Variants in PCDH11X observed in about 807,000 individuals in gnomAD.
The protein encoded by PCDH11X is protocadherin-11 X-linked.
A neutral mutation model predicts 53.3 loss-of-function variants in PCDH11X; 18 were observed. The ratio of observed to expected loss-of-function variants is 0.34; its 90% CI spans 0.23 to 0.50. The LOEUF (loss-of-function observed/expected upper bound fraction) is 0.50. Among genes scored for constraint, PCDH11X ranks in the 20% least tolerant of loss-of-function variants. The probability of loss-of-function intolerance (pLI) is 0.98; values close to 1 mark genes in which losing one functional copy is unlikely to be tolerated. For missense variants in PCDH11X, 570 were observed against 1,032.4 expected, an observed-to-expected ratio of 0.55 and a Z score of 6.14; for synonymous variants, 279 against 393.3, an observed-to-expected ratio of 0.71 and a Z score of 3.44.
intron 6 of PCDH11X, among the ~76,000 whole-genome samples, chrX:92,042,791 C>A (rs1027013027): frequency 2.8e-5 from 3 of 106,838 alleles, no homozygotes; most frequent in African/African-American, 1.0e-4. Flanking sequence ...CTCCCACCCC[C>A]ACACCCAGCT....
At chrX:92,558,947 G>A (rs1475153735) in intron 10 of PCDH11X, among the ~76,000 whole-genome samples, 2 of 108,993 alleles carry the variant, frequency 1.8e-5, no homozygotes, top group African/African-American at 6.6e-5. Flanking sequence ...GAGAAATTAT[G>A]AGTCATGTAA....
At position 91,878,314 on chromosome X, in the gene PCDH11X, G is replaced by A; in HGVS notation, c.2074G>A (p.Gly692Ser). 8.3e-7 allele frequency: 1 copy of A among 1,210,661 alleles called. No homozygotes were observed. Among genetic ancestry groups the A allele is most frequent in the Middle Eastern group, 2.3e-4 (1 of 4,349 alleles). The change falls in exon 6 of 11, where the codon GGC becomes AGC. Residue 692 changes from glycine (G) to serine (S), a missense_variant. Coordinates refer to ENST00000682573, the MANE Select transcript of PCDH11X (RefSeq NM_032968.5). Reference protein sequence around the residue: ...YELVLPSTNPGTVVFQVIAVD... With the variant: ...YELVLPSTNPSTVVFQVIAVD... ...ATTGGTTCTACCGTCCACTAATCCA[G>A]GCACAGTGGTCTTTCAGGTAATTGC...
Position 92,134,730 on chromosome X carries a change from C to T in PCDH11X, c.3034-66645C>T, listed in dbSNP as rs758974563. Among the ~76,000 whole-genome samples, 206 of 111,227 alleles carry T rather than the reference C, an allele frequency of 1.9e-3. 1 individual carries two copies. The highest frequency in any genetic ancestry group is 3.4e-3 in the Non-Finnish European group (178 of 53,067). On this transcript the variant is annotated intron_variant, in intron 6 of 10. Coordinates refer to ENST00000682573, the MANE Select transcript of PCDH11X (RefSeq NM_032968.5). The stretch of plus-strand genomic sequence containing the variant: ...TGGGTTATTCATGTGTCCTCTTTTT[C>T]GACCATATAGGGTCACTTCCTGATG...
intron 7 of PCDH11X, among the ~76,000 whole-genome samples, chrX:92,216,072 G>C (rs1603195116): frequency 9.1e-6 from 1 of 109,293 alleles, no homozygotes; most frequent in East Asian, 3.0e-4. Context: ...CATCATCAAA[G>C]ACCAAAAGTA....
At chrX:92,178,346 A>G (rs939813209) in intron 6 of PCDH11X, among the ~76,000 whole-genome samples, 1 of 111,767 alleles carries the variant, frequency 8.9e-6, no homozygotes, top group Non-Finnish European at 1.9e-5. Flanking sequence ...TATACATAGT[A>G]TTGCATAAAA....
intron 8 of PCDH11X, among the ~76,000 whole-genome samples, chrX:92,275,682 G>T (rs12558621): frequency 9.1e-5 from 10 of 110,471 alleles, no homozygotes; most frequent in African/African-American, 3.3e-4. Context: ...AACTTGTAAG[G>T]CTTGTCTGGT....
intron 6 of PCDH11X, among the ~76,000 whole-genome samples, chrX:92,131,587 A>G (rs2064972201): frequency 8.9e-6 from 1 of 111,769 alleles, no homozygotes; most frequent in Non-Finnish European, 1.9e-5. Flanking sequence ...AAAGTTTTCC[A>G]GAGCTTATAT....
rs191906591 is a variant in PCDH11X at position 92,198,865 on chromosome X, T to A, written c.3034-2510T>A. Among the ~76,000 whole-genome samples the A allele has an allele frequency of 3.8e-3, 429 of 111,483 alleles. 3 individuals are homozygous for A. Among genetic ancestry groups the A allele is most frequent in the Middle Eastern group, 0.019 (4 of 210 alleles). On this transcript the variant is annotated intron_variant, in intron 6 of 10. Coordinates refer to ENST00000682573, the MANE Select transcript of PCDH11X (RefSeq NM_032968.5). ...TTTTCTTACTTTTTGACAAAAAAAATTGGAATTAATAGAATTTTGAGCATT... is the reference window on the plus strand; with the variant it reads ...TTTTCTTACTTTTTGACAAAAAAAAATGGAATTAATAGAATTTTGAGCATT...
intron 10 of PCDH11X, among the ~76,000 whole-genome samples, chrX:92,527,027 C>T (rs1403182871): frequency 1.8e-5 from 2 of 111,562 alleles, no homozygotes; most frequent in African/African-American, 6.5e-5. Context: ...GAAAGACAAA[C>T]ATTGCATGTT....
intron 8 of PCDH11X, among the ~76,000 whole-genome samples, chrX:92,316,545 A>ATTCG (rs1231289337): frequency 1.8e-5 from 2 of 111,879 alleles, no homozygotes; most frequent in Non-Finnish European, 3.8e-5. Context: ...TCCAATAATT[A>ATTCG]ATTCAGTTTA....
intron 9 of PCDH11X, among the ~76,000 whole-genome samples, chrX:92,390,221 C>G (rs1277817327): frequency 5.5e-5 from 6 of 109,891 alleles, no homozygotes; most frequent in East Asian, 2.9e-4. Flanking sequence ...AAACCTCCCC[C>G]CTAAATCATG....
chrX:91,982,683 T>C lies in PCDH11X; in HGVS notation c.3033+103410T>C, dbSNP rs1427596568. 7.0e-6 allele frequency: 8 copies of C among 1,135,894 alleles called. No homozygotes were observed. In the African/African-American group the frequency reaches 1.4e-4, roughly 21 times the overall value. The allele number at this position is 1,135,894 out of a possible 1,213,427, so 93.6% of individuals were successfully genotyped here. A position where few individuals can be genotyped will look rare whatever the true frequency, so the allele number is the denominator to read the frequency against. ...TTGAAATTCCAGTCCTAGACCAAGCTTGTGGCCACCAGCATTGACGTTCTT... is the reference window on the plus strand; with the variant it reads ...TTGAAATTCCAGTCCTAGACCAAGCCTGTGGCCACCAGCATTGACGTTCTT... On this transcript the variant is annotated intron_variant, in intron 6 of 10. Transcript: ENST00000682573.
chrX:91,934,080 C>T (rs1362411569), intron 6 of PCDH11X, among the ~76,000 whole-genome samples: 1 of 111,709 alleles, frequency 9.0e-6, no homozygotes, highest in Non-Finnish European at 1.9e-5. Context: ...ACTAACATCA[C>T]AGATGCATTC....
chrX:92,598,034 G>A, intron 10 of PCDH11X, among the ~76,000 whole-genome samples: 1 of 111,418 alleles, frequency 9.0e-6, no homozygotes, highest in African/African-American at 3.3e-5. Context: ...AATCTAAATG[G>A]ATTAAAGACT....
chrX:92,354,816 C>G (rs1956686063), intron 8 of PCDH11X, among the ~76,000 whole-genome samples: 1 of 111,149 alleles, frequency 9.0e-6, no homozygotes, highest in Non-Finnish European at 1.9e-5. Flanking sequence ...TTAGTAGGTA[C>G]TCAGTAAAAG....
chrX:92,124,282 C>T (rs779820969), intron 6 of PCDH11X, among the ~76,000 whole-genome samples: 7 of 110,685 alleles, frequency 6.3e-5, no homozygotes, highest in Non-Finnish European at 1.3e-4. Context: ...TGTGGTGGCT[C>T]ACACTTGCAA....
chrX:92,277,388 C>G (rs908438417), intron 8 of PCDH11X, among the ~76,000 whole-genome samples: 3 of 111,009 alleles, frequency 2.7e-5, no homozygotes, highest in Non-Finnish European at 5.7e-5. Context: ...TGGGGTCAAG[C>G]GGCATTGCAG....
intron 6 of PCDH11X, among the ~76,000 whole-genome samples, chrX:91,906,593 A>T (rs1358519923): frequency 8.9e-6 from 1 of 111,774 alleles, no homozygotes; most frequent in African/African-American, 3.2e-5. Context: ...AACAAGAATG[A>T]TAATCACTGA....
At chrX:92,441,444 C>T (rs1290113627) in intron 9 of PCDH11X, among the ~76,000 whole-genome samples, 1 of 111,975 alleles carries the variant, frequency 8.9e-6, no homozygotes, top group Non-Finnish European at 1.9e-5. Flanking sequence ...CCAGGGTTCC[C>T]ATGCTGAGTG....
Sources: allele counts gnomAD v4.1 joint callset (sites outside exome capture counted in the v4.1 genomes callset), GRCh38; gene constraint gnomAD v4.1.1; transcripts MANE v1.5; gene names NCBI Gene and HGNC (gene_info 2026-07-23, HGNC 2026-07-21).